Variants in MS4A15 observed in about 807,000 individuals in gnomAD.
The protein encoded by MS4A15 is membrane-spanning 4-domains subfamily A member 15.
MS4A15 carries 22 observed loss-of-function variants against 20.6 expected under a neutral mutation model. The observed-to-expected ratio is 1.07, with a 90% CI of 0.76 to 1.52. The LOEUF is 1.52. Among genes scored for constraint, MS4A15 ranks in the 40% most tolerant of loss-of-function variants. MS4A15 has a pLI of 0.00. For synonymous variants in MS4A15, 129 were observed against 129.3 expected, an observed-to-expected ratio of 1.00 and a Z score of 0.02; for missense variants, 312 against 323.0, an observed-to-expected ratio of 0.97 and a Z score of 0.26.
At chr11:60,774,201 C>T (rs1229226815) in intron 6 of MS4A15, among the ~76,000 whole-genome samples, 1 of 152,098 alleles carries the variant, frequency 6.6e-6, no homozygotes, top group Admixed American at 6.5e-5. Flanking sequence ...CTCTTGAGCC[C>T]TGGAGTTTGA....
chr11:60,771,933 G>A (rs1381934369), intron 4 of MS4A15, among the ~76,000 whole-genome samples: 2 of 152,160 alleles, frequency 1.3e-5, no homozygotes, highest in Non-Finnish European at 2.9e-5. Flanking sequence ...TCATGAACAC[G>A]GCAGCGAAGG....
rs1411016673 is a variant in MS4A15 at position 60,775,849 on chromosome 11, G to A, written c.*134G>A. 5 of 644,108 alleles carry A rather than the reference G, an allele frequency of 7.8e-6. No homozygotes were observed. The highest frequency in any genetic ancestry group is 1.1e-5 in the Non-Finnish European group (4 of 372,630). 39.9% of individuals were successfully genotyped at this position (644,108 alleles called of 1,614,324 possible). ...CCTCACCACATCTACACATACTCCG[G>A]CATCTGAGTGAAGTGTCCCCAGGGA... On this transcript the variant is annotated 3_prime_UTR_variant, in exon 7 of 7. Coordinates refer to ENST00000405633, the MANE Select transcript of MS4A15 (RefSeq NM_001098835.2).
chr11:60,773,362 CCTCTGCTCCTGTCT>C lies in MS4A15; in HGVS notation c.406-21_406-8del, dbSNP rs767242831. 76 of 1,581,440 alleles carry C rather than the reference CCTCTGCTCCTGTCT, an allele frequency of 4.8e-5. No homozygotes were observed. In the African/African-American group the frequency reaches 7.7e-4, roughly 16 times the overall value. ...CTTTTCTCCTTCTCTTTGCCTATTC[CCTCTGCTCCTGTCT>C]CTCTGCTCTCTGCAGGTGAGGAGCA... On this transcript the variant is annotated splice_polypyrimidine_tract_variant and intron_variant, in intron 4 of 6. Transcript: ENST00000405633.
chr11:60,773,712 G>C (rs1346688258), intron 5 of MS4A15, 125 bp from the exon 6 acceptor site: 4 of 868,496 alleles, frequency 4.6e-6, no homozygotes. Context: ...TGGCGGCAGG[G>C]GGACTGGCTC....
intron 1 of MS4A15, among the ~76,000 whole-genome samples, chr11:60,762,084 CT>C (rs1853757996): frequency 6.6e-6 from 1 of 152,198 alleles, no homozygotes; most frequent in Non-Finnish European, 1.5e-5. Flanking sequence ...ACTTTAATTG[CT>C]TTTTTAGTCT....
intron 3 of MS4A15, among the ~76,000 whole-genome samples, chr11:60,768,109 CT>C (rs1396622810): frequency 3.3e-5 from 5 of 152,180 alleles, no homozygotes; most frequent in African/African-American, 1.2e-4. Context: ...AGGTGAATCG[CT>C]TTAACCCGGG....
chr11:60,759,010 G>GTA (rs1189841778), intron 1 of MS4A15, among the ~76,000 whole-genome samples: 5 of 152,246 alleles, frequency 3.3e-5, no homozygotes, highest in Non-Finnish European at 7.3e-5. Context: ...GCGGTGTGTA[G>GTA]TATTACTCAT....
At chr11:60,761,127 A>T (rs1853729063) in intron 1 of MS4A15, among the ~76,000 whole-genome samples, 1 of 152,172 alleles carries the variant, frequency 6.6e-6, no homozygotes, top group African/African-American at 2.4e-5. Context: ...TGCCTTTGTC[A>T]TCTAATGATA....
chr11:60,764,035 G>A lies in MS4A15; in HGVS notation c.225+77G>A, dbSNP rs78512900. 1,735 of 1,339,256 alleles carry A rather than the reference G, an allele frequency of 1.3e-3. 3 individuals are homozygous for A. Among genetic ancestry groups the A allele is most frequent in the Non-Finnish European group, 1.6e-3 (1,600 of 972,498 alleles). The allele number at this position is 1,339,256 out of a possible 1,614,324, so 83.0% of individuals were successfully genotyped here. A position where few individuals can be genotyped will look rare whatever the true frequency, so the allele number is the denominator to read the frequency against. On this transcript the variant is annotated intron_variant, in intron 2 of 6. Transcript: ENST00000405633. ...CCGGAACATTCATGCATGTTTTGGA[G>A]AGGGGAGAAGGCAGTTAACAAATAT...
At chr11:60,771,862 G>T (rs1854053290) in intron 4 of MS4A15, 2 of 953,616 alleles carry the variant, frequency 2.1e-6, no homozygotes, top group Admixed American at 7.4e-5. Flanking sequence ...GGGAGGCGAT[G>T]GAGGCTTTGA....
chr11:60,757,770 G>C (rs551688167), intron 1 of MS4A15, among the ~76,000 whole-genome samples: 32 of 152,238 alleles, frequency 2.1e-4, no homozygotes, highest in Non-Finnish European at 4.0e-4. Context: ...CTATATGATC[G>C]GGTGGCCGTG....
intron 6 of MS4A15, among the ~76,000 whole-genome samples, chr11:60,774,446 G>C (rs189689623): frequency 1.3e-5 from 2 of 152,092 alleles, no homozygotes; most frequent in South Asian, 2.1e-4. Flanking sequence ...AGACGTCTTC[G>C]CAGGTCAGTG....
intron 1 of MS4A15, among the ~76,000 whole-genome samples, chr11:60,759,855 CCTT>C (rs1264805723): frequency 6.6e-6 from 1 of 152,134 alleles, no homozygotes; most frequent in African/African-American, 2.4e-5. Context: ...TTCCTGCTGA[CCTT>C]CTCCCCACCA....
At chr11:60,768,176 G>A (rs144012877) in intron 3 of MS4A15, among the ~76,000 whole-genome samples, 1 of 152,258 alleles carries the variant, frequency 6.6e-6, no homozygotes, top group African/African-American at 2.4e-5. Context: ...CTGGGCAACA[G>A]AGCAAGACTC....
intron 1 of MS4A15, 133 bp from the exon 2 acceptor site, chr11:60,763,573 C>A: frequency 1.4e-6 from 1 of 711,210 alleles, no homozygotes; most frequent in South Asian, 1.9e-5. Context: ...CTCAGCTTCC[C>A]CAGCTTTGAT....
chr11:60,771,232 G>T (rs1172389349), intron 3 of MS4A15, 59 bp from the exon 4 acceptor site: 1 of 1,597,546 alleles, frequency 6.3e-7, no homozygotes, highest in Non-Finnish European at 8.6e-7. Context: ...ATCCCAAGCA[G>T]GGTCTGCCCT....
chr11:60,771,492 C>T (rs1590984759), intron 4 of MS4A15, 145 bp downstream of exon 4: 1 of 1,539,574 alleles, frequency 6.5e-7, no homozygotes, highest in Non-Finnish European at 8.7e-7. Context: ...GGGCACCACC[C>T]AGGCAGACCA....
At chr11:60,767,733 C>T in intron 3 of MS4A15, 78 bp downstream of exon 3, 2 of 1,430,016 alleles carry the variant, frequency 1.4e-6, no homozygotes, top group Non-Finnish European at 1.8e-6. Flanking sequence ...CCCACCCCCA[C>T]CATCCTCCTG....
chr11:60,767,543 T>C lies in MS4A15; in HGVS notation c.236T>C (p.Ile79Thr). ...GEPKVLGTVQ[I>T]LIGLIHLGFG... ...CGGGGCTTCCCGCAGACGGTGCAGA[T>C]CCTCATCGGCCTCATCCACCTAGGC... Residue 79 changes from isoleucine (I) to threonine (T), a missense_variant, in exon 3 of 7, where the codon ATC (isoleucine) becomes ACC (threonine). Coordinates refer to ENST00000405633, the MANE Select transcript of MS4A15 (RefSeq NM_001098835.2). 2 of 1,545,484 alleles carry C rather than the reference T, an allele frequency of 1.3e-6. No individual in the cohort carries two copies. The highest frequency in any genetic ancestry group is 1.7e-6 in the Non-Finnish European group (2 of 1,144,040).
Sources: gnomAD v4.1 joint callset for allele counts (sites outside exome capture counted in the v4.1 genomes callset) on GRCh38, gnomAD v4.1.1 for gene constraint, MANE v1.5 for transcripts, NCBI Gene and HGNC (gene_info 2026-07-23, HGNC 2026-07-21) for gene names.